Variants in PTN observed in about 807,000 individuals in gnomAD.
PTN encodes heparin affin regulatory protein.
Under a neutral mutation model 24.1 loss-of-function variants are expected in PTN, and 18 were observed. That is an observed-to-expected ratio of 0.75 (90% CI 0.52 to 1.11). The LOEUF (loss-of-function observed/expected upper bound fraction) is 1.11. Among genes scored for constraint, PTN ranks in the 50% least tolerant of loss-of-function variants. The pLI is 0.00. For synonymous variants in PTN, 78 were observed against 68.6 expected (o/e 1.14, Z -0.67); for missense variants, 163 against 198.8 (o/e 0.82, Z 1.08).
intron 4 of PTN, among the ~76,000 whole-genome samples, chr7:137,239,592 T>C (rs544998299): frequency 5.8e-4 from 88 of 151,456 alleles, no homozygotes; most frequent in African/African-American, 2.1e-3. Context: ...GATGTTTCCC[T>C]TCCTGTGTCC....
intron 1 of PTN, among the ~76,000 whole-genome samples, chr7:137,319,601 G>A (rs1196643951): frequency 3.3e-5 from 5 of 152,120 alleles, no homozygotes; most frequent in African/African-American, 1.2e-4. Context: ...AACCCAGGAT[G>A]TCTCCCCTGT....
chr7:137,336,168 C>T (rs1275190269), intron 1 of PTN, among the ~76,000 whole-genome samples: 2 of 152,114 alleles, frequency 1.3e-5, no homozygotes, highest in East Asian at 3.9e-4. Flanking sequence ...ACAGATGTTG[C>T]GTCGTGACCA....
At chr7:137,241,079 AG>A (rs1446644046) in intron 4 of PTN, among the ~76,000 whole-genome samples, 1 of 152,234 alleles carries the variant, frequency 6.6e-6, no homozygotes, top group African/African-American at 2.4e-5. Context: ...ACATGGCAGC[AG>A]GAGAGACAGC....
chr7:137,256,802 AAAAACAAAACAAAAC>A (rs148690504), intron 1 of PTN, among the ~76,000 whole-genome samples: 1 of 151,496 alleles, frequency 6.6e-6, no homozygotes, highest in African/African-American at 2.4e-5. Flanking sequence ...CAAATTTATA[AAAAACAAAACAAAAC>A]AAAACAAAAC....
intron 1 of PTN, among the ~76,000 whole-genome samples, chr7:137,288,929 G>A (rs925708084): frequency 6.6e-6 from 1 of 152,092 alleles, no homozygotes; most frequent in Admixed American, 6.6e-5. Context: ...CCTCCACACT[G>A]AATAATAATA....
intron 1 of PTN, among the ~76,000 whole-genome samples, chr7:137,290,587 A>G (rs188965059): frequency 6.6e-6 from 1 of 152,314 alleles, no homozygotes; most frequent in Admixed American, 6.5e-5. Flanking sequence ...CACATTCATT[A>G]TATCACCTGG....
intron 4 of PTN, among the ~76,000 whole-genome samples, chr7:137,235,707 T>C (rs1467249766): frequency 6.6e-6 from 1 of 152,122 alleles, no homozygotes; most frequent in Non-Finnish European, 1.5e-5. Context: ...CCCTCAGTGC[T>C]ACCCACATGC....
chr7:137,335,314 G>A, intron 1 of PTN, among the ~76,000 whole-genome samples: 1 of 152,026 alleles, frequency 6.6e-6, no homozygotes, highest in Admixed American at 6.6e-5. Context: ...CAGAAGCACT[G>A]GTAAGGAGGC....
rs1357706273 is a variant in PTN at position 137,298,619 on chromosome 7, A to G, written c.-1-43645T>C. Among the ~76,000 whole-genome samples the G allele has an allele frequency of 2.6e-5, 4 of 151,896 alleles. No homozygotes were observed. The East Asian group carries it at 7.7e-4, about 29-fold the overall frequency. The stretch of plus-strand genomic sequence containing the variant: ...AACAGACTGTTTCCATAGAGGCTCT[A>G]CTTTATTCCTAGCTCTGTTGCCTAT... On this transcript the variant is annotated intron_variant, in intron 1 of 4. Transcript: ENST00000348225.
At chr7:137,315,299 T>C (rs1404823700) in intron 1 of PTN, among the ~76,000 whole-genome samples, 2 of 151,784 alleles carry the variant, frequency 1.3e-5, no homozygotes, top group Non-Finnish European at 2.9e-5. Context: ...ATGATGACTA[T>C]GAGGACTGTG....
At chr7:137,250,565 T>C (rs1425754034) in intron 4 of PTN, among the ~76,000 whole-genome samples, 2 of 152,190 alleles carry the variant, frequency 1.3e-5, no homozygotes, top group Non-Finnish European at 2.9e-5. Flanking sequence ...ATAACATCCA[T>C]GATGAAAGAG....
chr7:137,315,958 A>G (rs1258602803), intron 1 of PTN, among the ~76,000 whole-genome samples: 2 of 151,980 alleles, frequency 1.3e-5, no homozygotes, highest in Admixed American at 6.6e-5. Flanking sequence ...AGTAGCAAAA[A>G]CCTCCTGTCA....
intron 1 of PTN, among the ~76,000 whole-genome samples, chr7:137,317,150 T>TGGAG (rs1437184407): frequency 3.3e-5 from 5 of 152,342 alleles, no homozygotes; most frequent in African/African-American, 1.2e-4. Flanking sequence ...TATGTCAGGC[T>TGGAG]TGATGAAAAT....
intron 1 of PTN, among the ~76,000 whole-genome samples, chr7:137,264,690 G>T (rs192203376): frequency 6.6e-6 from 1 of 152,194 alleles, no homozygotes; most frequent in African/African-American, 2.4e-5. Context: ...TGCAAACTTC[G>T]ACGGTTATGC....
chr7:137,247,499 G>T (rs1397781594), intron 4 of PTN, among the ~76,000 whole-genome samples: 1 of 152,118 alleles, frequency 6.6e-6, no homozygotes, highest in Non-Finnish European at 1.5e-5. Context: ...GTAGAAGGAT[G>T]GTTAACAGAG....
intron 1 of PTN, among the ~76,000 whole-genome samples, chr7:137,268,611 T>C (rs1809207170): frequency 6.6e-6 from 1 of 152,190 alleles, no homozygotes; most frequent in African/African-American, 2.4e-5. Flanking sequence ...TTTCACAGTG[T>C]CCTTCCATAC....
intron 1 of PTN, among the ~76,000 whole-genome samples, chr7:137,268,194 C>G (rs1196936522): frequency 6.6e-6 from 1 of 152,030 alleles, no homozygotes; most frequent in African/African-American, 2.4e-5. Flanking sequence ...GGCATCCCAC[C>G]GGGGCAAATG....
Position 137,251,242 on chromosome 7 carries a change from G to C in PTN, c.439C>G (p.Pro147Ala). The C allele has an allele frequency of 6.2e-7, 1 of 1,614,064 alleles. No homozygotes were observed. The change falls in exon 4 of 5, where the codon CCC becomes GCC. Residue 147 changes from proline to alanine, a missense_variant. By Grantham distance (27) the Pro-to-Ala change is conservative. Transcript: ENST00000348225. The stretch of plus-strand genomic sequence containing the variant: ...GGCAAGGACTTACCTTGAGGTTTGG[G>C]CTTGGTCAGTTTGCCACAGGGCTTG... ...ISKPCGKLTK[P>A]KPQAESKKKK...
At chr7:137,229,463 C>T (rs1214262325) in intron 4 of PTN, among the ~76,000 whole-genome samples, 2 of 151,738 alleles carry the variant, frequency 1.3e-5, no homozygotes, top group Admixed American at 1.3e-4. Context: ...TCAGCTCATA[C>T]TTAAGTAGAG....
Sources: gnomAD v4.1 joint callset for allele counts (sites outside exome capture counted in the v4.1 genomes callset) on GRCh38, gnomAD v4.1.1 for gene constraint, MANE v1.5 for transcripts, NCBI Gene and HGNC (gene_info 2026-07-23, HGNC 2026-07-21) for gene names.